The following SLC9A9 variants were observed in gnomAD, a reference collection of about 807,000 sequenced individuals.
SLC9A9 encodes solute carrier family 9 member A9.
SLC9A9 carries 62 observed loss-of-function variants against 77.8 expected under a neutral mutation model. The ratio of observed to expected loss-of-function variants is 0.80; its 90% CI spans 0.65 to 0.98. The LOEUF is 0.98. SLC9A9 is among the 50% of genes least tolerant of loss of function. The pLI, the probability that SLC9A9 is intolerant of heterozygous loss-of-function variation, is 0.00. For synonymous variants in SLC9A9, 320 were observed against 283.5 expected (o/e 1.13, Z -1.29); for missense variants, 775 against 774.9 (o/e 1.00, Z 0.00).
chr3:143,326,660 T>C (rs1167051469), intron 14 of SLC9A9, among the ~76,000 whole-genome samples: 7 of 152,204 alleles, frequency 4.6e-5, no homozygotes. Flanking sequence ...TTCTCTAATG[T>C]AATTCCCCAC....
chr3:143,337,968 AAAG>A (rs1196275462), intron 14 of SLC9A9, among the ~76,000 whole-genome samples: 4 of 152,192 alleles, frequency 2.6e-5, no homozygotes, highest in Non-Finnish European at 4.4e-5. Flanking sequence ...GAAAAAGGTA[AAAG>A]AAGAAAGGAG....
intron 14 of SLC9A9, among the ~76,000 whole-genome samples, chr3:143,306,567 T>C (rs1451410388): frequency 6.6e-6 from 1 of 152,210 alleles, no homozygotes; most frequent in Non-Finnish European, 1.5e-5. Flanking sequence ...TTCTTTTTGA[T>C]GAATCACCAG....
At chr3:143,695,547 G>C (rs7649487) in intron 4 of SLC9A9, among the ~76,000 whole-genome samples, 1 of 151,910 alleles carries the variant, frequency 6.6e-6, no homozygotes, top group Non-Finnish European at 1.5e-5. Flanking sequence ...GTATTCCATG[G>C]TGTATATGTG....
At chr3:143,657,998 C>G (rs1236455645) in intron 5 of SLC9A9, among the ~76,000 whole-genome samples, 1 of 152,152 alleles carries the variant, frequency 6.6e-6, no homozygotes, top group African/African-American at 2.4e-5. Context: ...TCCTGAATAG[C>G]TGGGACTACA....
chr3:143,820,342 A>T (rs367817017), intron 2 of SLC9A9, among the ~76,000 whole-genome samples: 203 of 152,322 alleles, frequency 1.3e-3, no homozygotes, highest in African/African-American at 4.8e-3. Context: ...AGTTTTCTAG[A>T]TCATTGCCAT....
chr3:143,543,665 A>T (rs572803270), intron 9 of SLC9A9, among the ~76,000 whole-genome samples: 1 of 151,956 alleles, frequency 6.6e-6, no homozygotes, highest in East Asian at 1.9e-4. Context: ...TCCTGTGTTA[A>T]TTTGCTTAGG....
chr3:143,427,905 A>T (rs950165873), intron 12 of SLC9A9, among the ~76,000 whole-genome samples: 4 of 152,062 alleles, frequency 2.6e-5, no homozygotes, highest in Admixed American at 2.0e-4. Flanking sequence ...ATAAAACTGG[A>T]CTCCTGTCTC....
chr3:143,570,292 G>C (rs930463394), intron 8 of SLC9A9, among the ~76,000 whole-genome samples: 6 of 152,052 alleles, frequency 3.9e-5, no homozygotes, highest in Non-Finnish European at 8.8e-5. Context: ...TATAATAAAT[G>C]TAAACCGGAA....
chr3:143,687,046 G>T (rs1423794040), intron 5 of SLC9A9, among the ~76,000 whole-genome samples: 1 of 152,058 alleles, frequency 6.6e-6, no homozygotes, highest in Admixed American at 6.6e-5. Flanking sequence ...AAGTGCTGAT[G>T]ATGACCTTTC....
At chr3:143,456,251 A>G (rs917362828) in intron 12 of SLC9A9, among the ~76,000 whole-genome samples, 1 of 152,186 alleles carries the variant, frequency 6.6e-6, no homozygotes, top group African/African-American at 2.4e-5. Flanking sequence ...GATCAGTCCC[A>G]CTTAATTGTA....
At chr3:143,723,670 T>C (rs758228276) in intron 4 of SLC9A9, among the ~76,000 whole-genome samples, 2 of 152,198 alleles carry the variant, frequency 1.3e-5, no homozygotes, top group Non-Finnish European at 2.9e-5. Context: ...GTGACATTTC[T>C]AAACTATATA....
intron 11 of SLC9A9, among the ~76,000 whole-genome samples, chr3:143,488,562 A>G (rs1485486197): frequency 6.6e-6 from 1 of 151,992 alleles, no homozygotes; most frequent in African/African-American, 2.4e-5. Context: ...ACCAAGTGAG[A>G]TTTGTTCCCG....
chr3:143,363,693 T>G, intron 13 of SLC9A9, 130 bp from the exon 14 acceptor site: 1 of 778,644 alleles, frequency 1.3e-6, no homozygotes, highest in Non-Finnish European at 2.0e-6. Context: ...CATTTTCATC[T>G]AAATGGTGAA....
intron 6 of SLC9A9, among the ~76,000 whole-genome samples, chr3:143,597,320 G>T (rs1053142040): frequency 4.6e-5 from 7 of 152,150 alleles, no homozygotes; most frequent in Non-Finnish European, 1.0e-4. Context: ...GGCTTGACAT[G>T]GTGGGCACGC....
At chr3:143,446,798 G>A (rs1161995902) in intron 12 of SLC9A9, among the ~76,000 whole-genome samples, 3 of 152,174 alleles carry the variant, frequency 2.0e-5, no homozygotes, top group Non-Finnish European at 2.9e-5. Context: ...GTGAGGCATG[G>A]AAGAAGAAAT....
chr3:143,815,550 A>ATTTT lies in SLC9A9; in HGVS notation c.378+16468_378+16469insAAAA, dbSNP rs1559811120. Among the ~76,000 whole-genome samples, 188 of 34,568 alleles carry ATTTT rather than the reference A, an allele frequency of 5.4e-3. No individual in the cohort carries two copies. In the Middle Eastern group the frequency reaches 0.079, roughly 15 times the overall value. 22.7% of individuals were successfully genotyped at this position (34,568 alleles called of 152,430 possible). A position where few individuals can be genotyped will look rare whatever the true frequency, so the allele number is the denominator to read the frequency against. On this transcript the variant is annotated intron_variant, in intron 2 of 15. Coordinates refer to ENST00000316549, the MANE Select transcript of SLC9A9 (RefSeq NM_173653.4). ...ATGAAGGGCTTTTTGCTATTTTAAA[A>ATTTT]AAAAAAAAAGGTTTAAAACCCTGAC...
chr3:143,346,338 C>T (rs1292079933), intron 14 of SLC9A9, among the ~76,000 whole-genome samples: 1 of 152,072 alleles, frequency 6.6e-6, no homozygotes, highest in Non-Finnish European at 1.5e-5. Flanking sequence ...TTAAATTTTC[C>T]CATTATTCTT....
chr3:143,512,642 C>T (rs2036135362), intron 9 of SLC9A9, among the ~76,000 whole-genome samples: 1 of 152,172 alleles, frequency 6.6e-6, no homozygotes, highest in Non-Finnish European at 1.5e-5. Flanking sequence ...CTTTGGGATG[C>T]CAAGGCGGGT....
intron 12 of SLC9A9, among the ~76,000 whole-genome samples, chr3:143,423,229 A>ACACGCG (rs2034337692): frequency 7.1e-6 from 1 of 140,904 alleles, no homozygotes; most frequent in Non-Finnish European, 1.5e-5. Context: ...ACACACACAC[A>ACACGCG]CGTGTACACA....
Sources: allele counts gnomAD v4.1 joint callset (sites outside exome capture counted in the v4.1 genomes callset), GRCh38; gene constraint gnomAD v4.1.1; transcripts MANE v1.5; gene names NCBI Gene and HGNC (gene_info 2026-07-23, HGNC 2026-07-21).